The following COTL1 variants were observed in gnomAD, a reference collection of about 807,000 sequenced individuals.
COTL1 encodes coactosin like F-actin binding protein 1.
In COTL1, 15 loss-of-function variants were observed where a neutral mutation model predicts 16.5. That is an observed-to-expected ratio of 0.91 (90% CI 0.61 to 1.40). The LOEUF (loss-of-function observed/expected upper bound fraction) is 1.40. Ranked by LOEUF, COTL1 falls within the 40% of genes most tolerant of loss-of-function variation. The pLI, the probability that COTL1 is intolerant of heterozygous loss-of-function variation, is 0.00. For synonymous variants in COTL1, 112 were observed against 85.3 expected (o/e 1.31, Z -1.73); for missense variants, 220 against 201.5 (o/e 1.09, Z -0.56).
chr16:84,589,373 C>T (rs998213045), intron 3 of COTL1, among the ~76,000 whole-genome samples: 1 of 152,184 alleles, frequency 6.6e-6, no homozygotes, highest in African/African-American at 2.4e-5. Flanking sequence ...CAGTGGTACC[C>T]CCCGCCCTCT....
chr16:84,592,508 C>T (rs1215203158), intron 2 of COTL1, among the ~76,000 whole-genome samples: 2 of 151,518 alleles, frequency 1.3e-5, no homozygotes, highest in East Asian at 1.9e-4. Context: ...AAATCTTAAA[C>T]GCAGCTTCTG....
At chr16:84,580,882 G>A (rs914727956) in intron 3 of COTL1, among the ~76,000 whole-genome samples, 6 of 152,094 alleles carry the variant, frequency 3.9e-5, no homozygotes, top group Admixed American at 6.5e-5. Flanking sequence ...GGTGGCTCAC[G>A]CCTGTAATGC....
At chr16:84,591,166 A>C (rs1182826642) in intron 2 of COTL1, among the ~76,000 whole-genome samples, 1 of 150,000 alleles carries the variant, frequency 6.7e-6, no homozygotes, top group African/African-American at 2.5e-5. Flanking sequence ...TTATCAAAAT[A>C]TCATTTGATA....
intron 3 of COTL1, among the ~76,000 whole-genome samples, chr16:84,582,184 G>A (rs528910949): frequency 2.5e-4 from 38 of 151,794 alleles, no homozygotes; most frequent in Non-Finnish European, 1.3e-4. Flanking sequence ...TAGTAGAGAC[G>A]GGGTTTTACT....
chr16:84,567,129 T>C (rs925962890), intron 3 of COTL1, 174 bp from the exon 4 acceptor site: 2 of 581,262 alleles, frequency 3.4e-6, no homozygotes, highest in South Asian at 1.9e-5. Flanking sequence ...TCAATGGAAA[T>C]TGAACAGCAG....
chr16:84,617,648 C>G, intron 1 of COTL1, 65 bp from the exon 2 acceptor site: 1 of 1,494,848 alleles, frequency 6.7e-7, no homozygotes, highest in Non-Finnish European at 9.1e-7. Flanking sequence ...CGACGCGGCG[C>G]TTGCAGAGGA....
Position 84,617,977 on chromosome 16 carries a change from G to C in COTL1, c.-63C>G, listed in dbSNP as rs1942138593. On this transcript the variant is annotated 5_prime_UTR_variant, in exon 1 of 4. Transcript: ENST00000262428. The stretch of plus-strand genomic sequence containing the variant: ...CGAGCGCGCCCCTGGCCGGCGGCGG[G>C]GATGGGAGCGCGGCGGGTACGCGCC... 8.0e-7 allele frequency: 1 copy of C among 1,246,726 alleles called. No individual in the cohort carries two copies. Among genetic ancestry groups the C allele is most frequent in the African/African-American group, 1.6e-5 (1 of 62,596 alleles). 77.2% of individuals were successfully genotyped at this position (1,246,726 alleles called of 1,614,324 possible).
chr16:84,589,126 A>G (rs2967857), intron 3 of COTL1, among the ~76,000 whole-genome samples: 14,214 of 151,886 alleles, frequency 0.094, 766 homozygotes, highest in Admixed American at 0.13. Context: ...ATGTGCCACC[A>G]TGCCTGGCTC....
intron 2 of COTL1, among the ~76,000 whole-genome samples, chr16:84,614,788 A>T (rs1905428612): frequency 6.6e-6 from 1 of 152,134 alleles, no homozygotes; most frequent in Non-Finnish European, 1.5e-5. Flanking sequence ...GCCCTCTCTG[A>T]GTCACAAGTG....
chr16:84,593,581 G>C (rs12921918), intron 2 of COTL1, among the ~76,000 whole-genome samples: 35,790 of 150,278 alleles, frequency 0.24, 4,509 homozygotes, highest in East Asian at 0.3. Context: ...GCGCGATCTC[G>C]GCTCACTGCA....
chr16:84,602,765 G>C (rs1905126722), intron 2 of COTL1, among the ~76,000 whole-genome samples: 1 of 151,668 alleles, frequency 6.6e-6, no homozygotes, highest in Non-Finnish European at 1.5e-5. Flanking sequence ...TGACGTAGGA[G>C]AATTGCTTGA....
chr16:84,580,384 C>T (rs1355039989), intron 3 of COTL1, among the ~76,000 whole-genome samples: 1 of 152,168 alleles, frequency 6.6e-6, no homozygotes, highest in Non-Finnish European at 1.5e-5. Context: ...GTAGCTTGGA[C>T]TACAGGTACA....
Position 84,597,985 on chromosome 16 carries a change from C to T in COTL1, c.161-7723G>A, listed in dbSNP as rs1057279425. On this transcript the variant is annotated intron_variant, in intron 2 of 3. Transcript: ENST00000262428. ...AGCTCCTCTGCTTGCCCATAAGCCA[C>T]GAGGATTCAGATGCATATCATAGCA... Among the ~76,000 whole-genome samples, 7 of 152,178 alleles carry T rather than the reference C, an allele frequency of 4.6e-5. No individual in the cohort carries two copies. In the East Asian group the frequency reaches 1.2e-3, roughly 25 times the overall value.
chr16:84,601,332 T>C (rs1905102632), intron 2 of COTL1, among the ~76,000 whole-genome samples: 1 of 152,194 alleles, frequency 6.6e-6, no homozygotes, highest in African/African-American at 2.4e-5. Flanking sequence ...TACCATGAAA[T>C]TACTGCTATG....
intron 3 of COTL1, among the ~76,000 whole-genome samples, chr16:84,571,220 C>T (rs145845349): frequency 3.0e-4 from 45 of 152,166 alleles, no homozygotes; most frequent in East Asian, 1.5e-3. Context: ...CGAGAGCCCC[C>T]GCCGCGTGAC....
intron 3 of COTL1, among the ~76,000 whole-genome samples, chr16:84,571,726 C>T (rs557096935): frequency 2.6e-5 from 4 of 152,348 alleles, no homozygotes; most frequent in African/African-American, 7.2e-5. Context: ...ATTGCCTGGA[C>T]GTCACGTGGA....
intron 2 of COTL1, among the ~76,000 whole-genome samples, chr16:84,602,911 G>A (rs909762195): frequency 3.3e-5 from 5 of 151,950 alleles, no homozygotes; most frequent in South Asian, 2.1e-4. Flanking sequence ...TGGAGTCAGC[G>A]ATGCCAGAGT....
At chr16:84,584,644 G>C (rs1330090124) in intron 3 of COTL1, among the ~76,000 whole-genome samples, 3 of 152,200 alleles carry the variant, frequency 2.0e-5, no homozygotes, top group Non-Finnish European at 4.4e-5. Flanking sequence ...TCTGTATCTA[G>C]CATCTCCTAA....
At chr16:84,567,075 G>C (rs1245650886) in intron 3 of COTL1, 120 bp from the exon 4 acceptor site, 40 of 659,534 alleles carry the variant, frequency 6.1e-5, no homozygotes, top group East Asian at 2.6e-5. Flanking sequence ...GATGGAAATG[G>C]AAATTCAGCA....
Sources: gnomAD v4.1 joint callset for allele counts (sites outside exome capture counted in the v4.1 genomes callset) on GRCh38, gnomAD v4.1.1 for gene constraint, MANE v1.5 for transcripts, NCBI Gene and HGNC (gene_info 2026-07-23, HGNC 2026-07-21) for gene names.